The following DNTT variants were observed in gnomAD, a reference collection of about 807,000 sequenced individuals.
DNTT encodes the protein DNA nucleotidylexotransferase.
A neutral mutation model predicts 60.9 loss-of-function variants in DNTT; 47 were observed. That is an observed-to-expected ratio of 0.77 (90% CI 0.61 to 0.98). The LOEUF (loss-of-function observed/expected upper bound fraction) is 0.98, where lower values mean the gene tolerates loss of function less well. Among genes scored for constraint, DNTT ranks in the 50% least tolerant of loss-of-function variants. DNTT has a pLI of 0.00. For synonymous variants in DNTT, 224 were observed against 221.2 expected, an observed-to-expected ratio of 1.01 and a Z score of -0.11; for missense variants, 665 against 627.5, an observed-to-expected ratio of 1.06 and a Z score of -0.64.
intron 5 of DNTT, among the ~76,000 whole-genome samples, chr10:96,323,165 G>A (rs977039045): frequency 5.3e-5 from 8 of 152,174 alleles, no homozygotes; most frequent in African/African-American, 1.9e-4. Flanking sequence ...TAGGTGTGGT[G>A]AGGCATGCCT....
intron 1 of DNTT, among the ~76,000 whole-genome samples, chr10:96,306,096 T>C (rs1241627033): frequency 1.4e-5 from 2 of 147,184 alleles, no homozygotes. Flanking sequence ...AAATAGATTT[T>C]TTTTTTTTTT....
intron 1 of DNTT, among the ~76,000 whole-genome samples, chr10:96,308,869 G>T (rs1006912814): frequency 1.3e-5 from 2 of 152,208 alleles, no homozygotes; most frequent in Admixed American, 6.5e-5. Context: ...ATTCGTTAGG[G>T]TGAGGCAGAA....
At chr10:96,323,103 A>G (rs1231329565) in intron 5 of DNTT, among the ~76,000 whole-genome samples, 1 of 152,202 alleles carries the variant, frequency 6.6e-6, no homozygotes, top group Non-Finnish European at 1.5e-5. Flanking sequence ...CAGGAATTCG[A>G]CCAGCTTGGC....
chr10:96,311,658 G>C (rs867562216), intron 1 of DNTT, among the ~76,000 whole-genome samples: 1 of 151,990 alleles, frequency 6.6e-6, no homozygotes, highest in Admixed American at 6.6e-5. Context: ...TATTTGTTTG[G>C]GGGGAGACAG....
At chr10:96,312,753 T>C (rs971084297) in intron 1 of DNTT, among the ~76,000 whole-genome samples, 3 of 152,224 alleles carry the variant, frequency 2.0e-5, no homozygotes. Flanking sequence ...TCAAAATGCA[T>C]ATTCCTGGGC....
intron 8 of DNTT, 92 bp from the exon 9 acceptor site, chr10:96,332,259 C>T (rs117388136): frequency 1.5e-4 from 237 of 1,536,668 alleles, no homozygotes; most frequent in Non-Finnish European, 2.0e-4. Flanking sequence ...ATGTTCTGCT[C>T]GAATCTGAAA....
intron 1 of DNTT, among the ~76,000 whole-genome samples, chr10:96,314,245 G>A (rs1295917750): frequency 6.6e-6 from 1 of 151,972 alleles, no homozygotes; most frequent in Non-Finnish European, 1.5e-5. Context: ...TCTGCAACAA[G>A]AGGAAGTGAG....
intron 2 of DNTT, among the ~76,000 whole-genome samples, chr10:96,318,753 A>G (rs894150677): frequency 6.6e-6 from 1 of 152,212 alleles, no homozygotes; most frequent in African/African-American, 2.4e-5. Flanking sequence ...ACACATGTAA[A>G]GCGCTGAACA....
At chr10:96,309,576 T>G (rs1203290579) in intron 1 of DNTT, among the ~76,000 whole-genome samples, 1 of 152,232 alleles carries the variant, frequency 6.6e-6, no homozygotes, top group Non-Finnish European at 1.5e-5. Context: ...CATTCAGTCA[T>G]TATATAATGT....
chr10:96,318,612 T>G (rs1346175765), intron 2 of DNTT, 86 bp downstream of exon 2: 2 of 1,493,238 alleles, frequency 1.3e-6, no homozygotes, highest in East Asian at 4.7e-5. Context: ...GGGTAAACCC[T>G]AAATTCTCTG....
At position 96,335,535 on chromosome 10, in the gene DNTT, C is replaced by T. The variant is rs568239396; in HGVS notation, c.1360-356C>T. On this transcript the variant is annotated intron_variant, in intron 9 of 10. Coordinates refer to ENST00000371174, the MANE Select transcript of DNTT (RefSeq NM_004088.4). The stretch of plus-strand genomic sequence containing the variant: ...AATATTCCAAATCATGTAACACCCA[C>T]CAAACTAGTATTTATCCAGCATTTA... Among the ~76,000 whole-genome samples, 3 of 152,334 alleles carry T rather than the reference C, an allele frequency of 2.0e-5. No homozygotes were observed. The East Asian group carries it at 5.8e-4, about 29-fold the overall frequency.
chr10:96,308,301 C>G (rs780837363), intron 1 of DNTT, among the ~76,000 whole-genome samples: 2 of 152,154 alleles, frequency 1.3e-5, no homozygotes, highest in Non-Finnish European at 2.9e-5. Context: ...AACATTTATG[C>G]TATATTGCAA....
At chr10:96,328,577 T>A in intron 7 of DNTT, 148 bp from the exon 8 acceptor site, 1 of 688,374 alleles carries the variant, frequency 1.5e-6, no homozygotes, top group Non-Finnish European at 2.4e-6. Context: ...CAGCGATGTG[T>A]AACCAAGGAT....
intron 1 of DNTT, among the ~76,000 whole-genome samples, chr10:96,317,387 C>T (rs1253113373): frequency 6.6e-6 from 1 of 152,074 alleles, no homozygotes; most frequent in Non-Finnish European, 1.5e-5. Flanking sequence ...GTGCTTAGTA[C>T]CTGTTAAGAA....
intron 8 of DNTT, among the ~76,000 whole-genome samples, chr10:96,330,581 G>T (rs1844995712): frequency 6.6e-6 from 1 of 152,094 alleles, no homozygotes; most frequent in African/African-American, 2.4e-5. Context: ...TTCAAATGGT[G>T]TTTTTTCTTC....
chr10:96,318,160 C>T (rs1195026751), intron 1 of DNTT, among the ~76,000 whole-genome samples, 192 bp from the exon 2 acceptor site: 1 of 152,148 alleles, frequency 6.6e-6, no homozygotes, highest in Non-Finnish European at 1.5e-5. Flanking sequence ...ACATGTAACC[C>T]GGACCACTGT....
rs1844857484 is a variant in DNTT, at chr10:96,320,611, C to T, written c.508-7C>T. On this transcript the variant is annotated splice_region_variant and splice_polypyrimidine_tract_variant and intron_variant, in intron 3 of 10. Transcript: ENST00000371174. The stretch of plus-strand genomic sequence containing the variant: ...AAATCTCCTGCTTATCTGGTTTTAT[C>T]CTGCAGGATGCCTTTGATATACTGG... The T allele has an allele frequency of 6.2e-7, 1 of 1,613,166 alleles. No homozygotes were observed. Among genetic ancestry groups the T allele is most frequent in the Non-Finnish European group, 8.5e-7 (1 of 1,179,442 alleles).
chr10:96,334,811 T>A (rs1017455938), intron 9 of DNTT, among the ~76,000 whole-genome samples: 7 of 152,210 alleles, frequency 4.6e-5, no homozygotes, highest in Non-Finnish European at 7.3e-5. Context: ...AAGAAGTCCT[T>A]GGTTATGCAA....
At chr10:96,314,559 C>G (rs191437027) in intron 1 of DNTT, among the ~76,000 whole-genome samples, 1 of 150,504 alleles carries the variant, frequency 6.6e-6, no homozygotes, top group Non-Finnish European at 1.5e-5. Context: ...ACTACAGGCG[C>G]GTTCCACCAC....
Sources: allele counts gnomAD v4.1 joint callset (sites outside exome capture counted in the v4.1 genomes callset), GRCh38; gene constraint gnomAD v4.1.1; transcripts MANE v1.5; gene names NCBI Gene and HGNC (gene_info 2026-07-23, HGNC 2026-07-21).